The following TMEM87B variants were observed in gnomAD, a reference collection of about 807,000 sequenced individuals.
The protein encoded by TMEM87B is transmembrane protein 87B.
TMEM87B carries 83 observed loss-of-function variants against 80.3 expected under a neutral mutation model. That is an observed-to-expected ratio of 1.03 (90% CI 0.87 to 1.24). The LOEUF is 1.24. Among genes scored for constraint, TMEM87B ranks in the 50% most tolerant of loss-of-function variants. TMEM87B has a pLI of 0.00. For synonymous variants in TMEM87B, 219 were observed against 230.5 expected (o/e 0.95, Z 0.45); for missense variants, 625 against 674.4 (o/e 0.93, Z 0.81).
chr2:112,081,296 A>G, intron 7 of TMEM87B, 39 bp from the exon 8 acceptor site: 1 of 1,553,848 alleles, frequency 6.4e-7, no homozygotes, highest in East Asian at 2.2e-5. Context: ...TCAAATGACC[A>G]AAAGGCTTAA....
intron 8 of TMEM87B, among the ~76,000 whole-genome samples, chr2:112,083,358 G>A (rs1035060783): frequency 6.6e-6 from 1 of 152,196 alleles, no homozygotes; most frequent in African/African-American, 2.4e-5. Context: ...GCTGTTTTCT[G>A]TGGTAGCCAC....
Position 112,097,034 on chromosome 2 carries a change from C to T in TMEM87B, c.1105-10C>T. 1.3e-6 allele frequency: 2 copies of T among 1,525,470 alleles called. No individual in the cohort carries two copies. Among genetic ancestry groups the T allele is most frequent in the Non-Finnish European group, 1.8e-6 (2 of 1,122,246 alleles). The allele number at this position is 1,525,470 out of a possible 1,614,324, so 94.5% of individuals were successfully genotyped here. ...TATTACTTGGAATGTTTTTCCTTAACTTTTTTCACATTTTTATTAGTTTGG... is the reference window on the plus strand; with the variant it reads ...TATTACTTGGAATGTTTTTCCTTAATTTTTTTCACATTTTTATTAGTTTGG... On this transcript the variant is annotated splice_polypyrimidine_tract_variant and intron_variant, in intron 11 of 18. Transcript: ENST00000283206.
At chr2:112,074,715 A>G in intron 4 of TMEM87B, among the ~76,000 whole-genome samples, 197 bp from the exon 5 acceptor site, 1 of 152,126 alleles carries the variant, frequency 6.6e-6, no homozygotes, top group East Asian at 1.9e-4. Flanking sequence ...CATAGATTCC[A>G]TCTCTTTATA....
chr2:112,080,502 G>T (rs1047983743), intron 6 of TMEM87B, among the ~76,000 whole-genome samples: 1 of 151,326 alleles, frequency 6.6e-6, no homozygotes, highest in East Asian at 1.9e-4. Flanking sequence ...CTCGTAATCC[G>T]CCCGCCTTGG....
chr2:112,059,840 T>C (rs1333553247), intron 1 of TMEM87B, 137 bp from the exon 2 acceptor site: 3 of 1,153,270 alleles, frequency 2.6e-6, no homozygotes, highest in African/African-American at 3.1e-5. Flanking sequence ...AAGTTAGTGA[T>C]GTGATCAGAT....
chr2:112,062,050 G>C (rs1441934949), intron 2 of TMEM87B, among the ~76,000 whole-genome samples: 1 of 152,138 alleles, frequency 6.6e-6, no homozygotes, highest in Admixed American at 6.5e-5. Context: ...TCCAGTTTAC[G>C]GTTTCTGTTC....
intron 6 of TMEM87B, 32 bp downstream of exon 6, chr2:112,077,314 T>A (rs774497218): frequency 8.3e-7 from 1 of 1,208,486 alleles, no homozygotes; most frequent in Non-Finnish European, 1.2e-6. Flanking sequence ...GTTTACTGTC[T>A]GCATTTTCTG....
intron 1 of TMEM87B, among the ~76,000 whole-genome samples, chr2:112,059,536 C>T (rs554219120): frequency 3.9e-5 from 6 of 152,278 alleles, no homozygotes; most frequent in South Asian, 2.1e-4. Context: ...TGATTATTCA[C>T]GTCCTATAGG....
chr2:112,059,315 G>A (rs1327255485), intron 1 of TMEM87B, among the ~76,000 whole-genome samples: 2 of 152,010 alleles, frequency 1.3e-5, no homozygotes, highest in African/African-American at 4.8e-5. Flanking sequence ...TTATATAAGG[G>A]AGGGCCTGGC....
At chr2:112,101,702 GA>G (rs1441252359) in intron 15 of TMEM87B, among the ~76,000 whole-genome samples, 1 of 152,124 alleles carries the variant, frequency 6.6e-6, no homozygotes, top group Non-Finnish European at 1.5e-5. Context: ...AACTTTTATT[GA>G]AAAAAACTTG....
chr2:112,107,370 A>AC (rs1468265967), intron 16 of TMEM87B, among the ~76,000 whole-genome samples: 1 of 151,876 alleles, frequency 6.6e-6, no homozygotes, highest in East Asian at 1.9e-4. Flanking sequence ...AAAAAAAAAA[A>AC]AAAAAAGAAT....
intron 4 of TMEM87B, among the ~76,000 whole-genome samples, chr2:112,073,919 G>C (rs1678733708): frequency 6.6e-6 from 1 of 152,076 alleles, no homozygotes; most frequent in Non-Finnish European, 1.5e-5. Flanking sequence ...TGCAACCTCT[G>C]CTTTTTTTCT....
At chr2:112,057,633 C>T (rs1678120126) in intron 1 of TMEM87B, among the ~76,000 whole-genome samples, 1 of 152,122 alleles carries the variant, frequency 6.6e-6, no homozygotes, top group African/African-American at 2.4e-5. Context: ...CACTGTGTGT[C>T]ATATGTTAGA....
intron 8 of TMEM87B, among the ~76,000 whole-genome samples, chr2:112,083,858 G>T (rs1679069142): frequency 6.6e-6 from 1 of 152,152 alleles, no homozygotes; most frequent in Non-Finnish European, 1.5e-5. Flanking sequence ...AGGCTGGCCA[G>T]GGTCGTAAAT....
chr2:112,101,145 T>G (rs1338409248), intron 15 of TMEM87B, among the ~76,000 whole-genome samples: 1 of 152,208 alleles, frequency 6.6e-6, no homozygotes, highest in African/African-American at 2.4e-5. Context: ...TATCATTTTA[T>G]TAATTTTATT....
chr2:112,100,150 T>G (rs530571395), intron 14 of TMEM87B, among the ~76,000 whole-genome samples: 13 of 152,364 alleles, frequency 8.5e-5, no homozygotes, highest in African/African-American at 2.6e-4. Flanking sequence ...TTAATGGCTA[T>G]TGCCAAATGA....
At position 112,117,850 on chromosome 2, in the gene TMEM87B, T is replaced by G. The variant is rs557818729; in HGVS notation, c.*1707T>G. ...AGACAGATTGACCCCCTACTCATTATGTGGCTCTAGTTGAATTTTAAAATG... is the reference window on the plus strand; with the variant it reads ...AGACAGATTGACCCCCTACTCATTAGGTGGCTCTAGTTGAATTTTAAAATG... On this transcript the variant is annotated 3_prime_UTR_variant, in exon 19 of 19. Transcript: ENST00000283206. 1.3e-5 allele frequency: 2 copies of G among 152,194 alleles called. No individual in the cohort carries two copies. Among genetic ancestry groups the G allele is most frequent in the Non-Finnish European group, 2.9e-5 (2 of 68,040 alleles). The allele number at this position is 152,194 out of a possible 1,614,324, so 9.4% of individuals were successfully genotyped here.
chr2:112,069,139 C>A (rs1241880161), intron 4 of TMEM87B, among the ~76,000 whole-genome samples: 3 of 146,370 alleles, frequency 2.0e-5, no homozygotes, highest in Non-Finnish European at 3.0e-5. Context: ...TTGCAGTGAG[C>A]CGAGATTGCG....
rs1679500156 is a variant in TMEM87B, at chr2:112,097,292, G to C, written c.1272+1G>C. On this transcript the variant is annotated splice_donor_variant, in intron 13 of 18. Transcript: ENST00000283206. LOFTEE classifies it high-confidence loss of function. ...ATTTAGAATTGCAAAATGCCAATCA[G>C]TAAGTATAACCTTCCTATTTAAACA... is the stretch of plus-strand genomic sequence containing the variant. The C allele has an allele frequency of 6.2e-7, 1 of 1,601,616 alleles. No individual in the cohort carries two copies. The highest frequency in any genetic ancestry group is 8.5e-7 in the Non-Finnish European group (1 of 1,175,408).
Sources: allele counts gnomAD v4.1 joint callset (sites outside exome capture counted in the v4.1 genomes callset), GRCh38; gene constraint gnomAD v4.1.1; transcripts MANE v1.5; gene names NCBI Gene and HGNC (gene_info 2026-07-23, HGNC 2026-07-21).